The following ADAMTS4 variants were observed in gnomAD, a reference collection of about 807,000 sequenced individuals.
The protein encoded by ADAMTS4 is A disintegrin and metalloproteinase with thrombospondin motifs 4.
Under a neutral mutation model 66.7 loss-of-function variants are expected in ADAMTS4, and 38 were observed. The ratio of observed to expected loss-of-function variants is 0.57; its 90% CI spans 0.44 to 0.75. The LOEUF (loss-of-function observed/expected upper bound fraction) is 0.75, where lower values mean the gene tolerates loss of function less well. Among genes scored for constraint, ADAMTS4 ranks in the 30% least tolerant of loss-of-function variants. The pLI, the probability that ADAMTS4 is intolerant of heterozygous loss-of-function variation, is 0.00. For synonymous variants in ADAMTS4, 418 were observed against 461.5 expected (o/e 0.91, Z 1.21); for missense variants, 1,014 against 1,116.7 (o/e 0.91, Z 1.31).
chr1:161,198,669 G>A lies in ADAMTS4; in HGVS notation c.-42C>T, dbSNP rs1181473557. The A allele has an allele frequency of 2.1e-6, 3 of 1,446,932 alleles. No individual in the cohort carries two copies. The East Asian group carries it at 7.4e-5, about 36-fold the overall frequency. 89.6% of individuals were successfully genotyped at this position (1,446,932 alleles called of 1,614,324 possible). ...CTGGGAGGGACTGAGGCCGTCTAGG[G>A]CACCAAGTCCTCCACACCCTAGCTT... On this transcript the variant is annotated 5_prime_UTR_variant, in exon 1 of 9. Transcript: ENST00000367996. This position sits in a 1 kb window ranked among gnomAD's most constrained non-coding sequence, Gnocchi z 4.7.
rs1019538575 is a variant in ADAMTS4, at chr1:161,186,236, G to C, written c.*4902C>G. 2.0e-5 allele frequency: 3 copies of C among 151,984 alleles called. No individual in the cohort carries two copies. Among genetic ancestry groups the C allele is most frequent in the African/African-American group, 7.3e-5 (3 of 41,348 alleles). 9.4% of individuals were successfully genotyped at this position (151,984 alleles called of 1,614,324 possible). On this transcript the variant is annotated 3_prime_UTR_variant, in exon 9 of 9. Transcript: ENST00000367996. ...CTGTGGCTCTTACAGGGAGATATGTGCCCCCCCACAATCCCATCCCTAGCA... is the reference window on the plus strand; with the variant it reads ...CTGTGGCTCTTACAGGGAGATATGTCCCCCCCCACAATCCCATCCCTAGCA...
rs746396914 is a variant in ADAMTS4 at position 161,196,148 on chromosome 1, T to C, written c.1090+23A>G. 4.0e-6 allele frequency: 6 copies of C among 1,508,528 alleles called. No homozygotes were observed. The Admixed American group carries it at 7.7e-5, about 19-fold the overall frequency. 93.4% of individuals were successfully genotyped at this position (1,508,528 alleles called of 1,614,324 possible). Reference sequence around the variant, plus strand: ...CCCCCACCTTCTCCTCCCTAATACCTTTCTCATCCACCCCTACTTTACCCA... The same window carrying C: ...CCCCCACCTTCTCCTCCCTAATACCCTTCTCATCCACCCCTACTTTACCCA... On this transcript the variant is annotated intron_variant, in intron 3 of 8. Coordinates refer to ENST00000367996, the MANE Select transcript of ADAMTS4 (RefSeq NM_005099.6).
chr1:161,191,808 C>T (rs1259129892), intron 8 of ADAMTS4, among the ~76,000 whole-genome samples: 3 of 152,178 alleles, frequency 2.0e-5, no homozygotes, highest in African/African-American at 4.8e-5. Flanking sequence ...TGGTACCTGT[C>T]TAATTCCTAC....
In ADAMTS4 at chr1:161,198,308, A is replaced by T; in HGVS notation, c.320T>A (p.Leu107Gln). The change falls in exon 1 of 9, where the codon CTG becomes CAG. Residue 107 changes from leucine to glutamine, a missense_variant. Physicochemically the swap from Leu to Gln is moderately radical, Grantham distance 113 (BLOSUM62 -2). Coordinates refer to ENST00000367996, the MANE Select transcript of ADAMTS4 (RefSeq NM_005099.6). The surrounding 1 kb of genome is among the most constrained non-coding windows in gnomAD (Gnocchi z 4.7). ...CGCCTGGCCCAGGTACTGCACTGTC[A>T]GCCCCTCGACCTGCACACCGGAGTC... is the stretch of plus-strand genomic sequence containing the variant. ...EQDSGVQVEG[L>Q]TVQYLGQAPE... The T allele has an allele frequency of 6.2e-7, 1 of 1,613,498 alleles. No individual in the cohort carries two copies. Among genetic ancestry groups the T allele is most frequent in the Non-Finnish European group, 8.5e-7 (1 of 1,179,996 alleles).
In ADAMTS4 at chr1:161,196,769, C is replaced by T. The variant is rs1211420229; in HGVS notation, c.745G>A (p.Ala249Thr). 1.2e-6 allele frequency: 2 copies of T among 1,613,030 alleles called. No homozygotes were observed. Among genetic ancestry groups the T allele is most frequent in the East Asian group, 2.2e-5 (1 of 44,888 alleles). ...CTTGGGTGCTTGAAGGCCTTGGCTG[C>T]TGCTGCCATCACTGTTAGCAGGTAG... ...KRYLLTVMAAAAKAFKHPSIR... is the reference protein window; with the variant it reads ...KRYLLTVMAATAKAFKHPSIR... Residue 249 changes from alanine (A) to threonine (T), a missense_variant, in exon 2 of 9, where the codon GCA becomes ACA. By Grantham distance (58) the Ala-to-Thr change is moderately conservative. Transcript: ENST00000367996.
intron 8 of ADAMTS4, 131 bp downstream of exon 8, chr1:161,191,934 T>C: frequency 8.7e-7 from 1 of 1,145,534 alleles, no homozygotes; most frequent in Non-Finnish European, 1.3e-6. Flanking sequence ...AACCGCACTG[T>C]AGCTGCCTAC....
Position 161,193,131 on chromosome 1 carries a change from T to A in ADAMTS4, c.1911+82A>T, listed in dbSNP as rs1571578838. On this transcript the variant is annotated intron_variant, in intron 7 of 8. Coordinates refer to ENST00000367996, the MANE Select transcript of ADAMTS4 (RefSeq NM_005099.6). The surrounding 1 kb of genome is among the most constrained non-coding windows in gnomAD (Gnocchi z 4.4). ...GCTGTAGGAACAGGGTTACTTTGGG[T>A]GATCTTTGTTATCAGAAAGCAGAGG... 2.1e-6 allele frequency: 3 copies of A among 1,448,914 alleles called. No homozygotes were observed. In the Admixed American group the frequency reaches 6.6e-5, roughly 32 times the overall value. 89.8% of individuals were successfully genotyped at this position (1,448,914 alleles called of 1,614,324 possible).
chr1:161,196,939 C>T (rs775359126), intron 1 of ADAMTS4, 59 bp from the exon 2 acceptor site: 7 of 1,440,136 alleles, frequency 4.9e-6, no homozygotes, highest in Admixed American at 4.0e-5. Flanking sequence ...ATGGGTCGGT[C>T]GATTCTCCAA....
rs1003152807 is a variant in ADAMTS4 at position 161,190,693 on chromosome 1, C to T, written c.*445G>A. 2 of 168,604 alleles carry T rather than the reference C, an allele frequency of 1.2e-5. No homozygotes were observed. The highest frequency in any genetic ancestry group is 1.1e-4 in the Admixed American group (2 of 17,706). The allele number at this position is 168,604 out of a possible 1,614,324, so 10.4% of individuals were successfully genotyped here. The stretch of plus-strand genomic sequence containing the variant: ...TTTCACACACACACACACGCATACA[C>T]ACACCACTTATACCTATCACCACCA... On this transcript the variant is annotated 3_prime_UTR_variant, in exon 9 of 9. Coordinates refer to ENST00000367996, the MANE Select transcript of ADAMTS4 (RefSeq NM_005099.6).
chr1:161,195,425 T>C (rs1471046122), intron 4 of ADAMTS4, 40 bp downstream of exon 4: 1 of 1,557,786 alleles, frequency 6.4e-7, no homozygotes, highest in African/African-American at 1.4e-5. Flanking sequence ...AGGACAGGAA[T>C]TGAGTGCTAC....
In ADAMTS4 at chr1:161,195,455, A is replaced by G. The variant is rs368809437; in HGVS notation, c.1261+10T>C. ...TGCTACCCAGGGAAAGGTAAGTGCC[A>G]TCTGCTTACCATAGCCATTGTCCAG... On this transcript the variant is annotated intron_variant, in intron 4 of 8. Transcript: ENST00000367996. 1.1e-5 allele frequency: 18 copies of G among 1,598,558 alleles called. No homozygotes were observed. The highest frequency in any genetic ancestry group is 6.8e-5 in the East Asian group (3 of 44,438).
rs781204896 is a variant in ADAMTS4 at position 161,196,275 on chromosome 1, G to A, written c.986C>T (p.Thr329Met). ...GGTGCCCACATCAGCCATACCCAGCGTGTCGCAAGTGGAGACTCCACACAG... is the reference window on the plus strand; with the variant it reads ...GGTGCCCACATCAGCCATACCCAGCATGTCGCAAGTGGAGACTCCACACAG... ...QDLCGVSTCD[T>M]LGMADVGTVC... Residue 329 changes from threonine (T) to methionine (M), a missense_variant, in exon 3 of 9, where the codon ACG becomes ATG. Physicochemically the swap from Thr to Met is moderately conservative, Grantham distance 81. Coordinates refer to ENST00000367996, the MANE Select transcript of ADAMTS4 (RefSeq NM_005099.6). The A allele has an allele frequency of 6.8e-6, 11 of 1,613,214 alleles. No homozygotes were observed. Among genetic ancestry groups the A allele is most frequent in the African/African-American group, 6.7e-5 (5 of 74,864 alleles).
rs1571575717 is a variant in ADAMTS4, at chr1:161,191,023, A to C, written c.*115T>G. The stretch of plus-strand genomic sequence containing the variant: ...AGGGCAGAGAGGAGGGGCAGGTCTC[A>C]CGCCCACAGCCCCTCCCCACTGAGT... On this transcript the variant is annotated 3_prime_UTR_variant, in exon 9 of 9. Transcript: ENST00000367996. The C allele has an allele frequency of 8.1e-7, 1 of 1,242,100 alleles. No homozygotes were observed. The highest frequency in any genetic ancestry group is 1.1e-6 in the Non-Finnish European group (1 of 912,456). The allele number at this position is 1,242,100 out of a possible 1,614,324, so 76.9% of individuals were successfully genotyped here. A position where few individuals can be genotyped will look rare whatever the true frequency, so the allele number is the denominator to read the frequency against.
rs1664980346 is a variant in ADAMTS4 at position 161,198,694 on chromosome 1, T to C, written c.-67A>G. 5.0e-6 allele frequency: 7 copies of C among 1,386,844 alleles called. No homozygotes were observed. The highest frequency in any genetic ancestry group is 6.7e-6 in the Non-Finnish European group (7 of 1,048,996). 85.9% of individuals were successfully genotyped at this position (1,386,844 alleles called of 1,614,324 possible). On this transcript the variant is annotated 5_prime_UTR_variant, in exon 1 of 9. Transcript: ENST00000367996. The surrounding 1 kb of genome is among the most constrained non-coding windows in gnomAD (Gnocchi z 4.7). Reference sequence around the variant, plus strand: ...GCACCAAGTCCTCCACACCCTAGCTTTGGAAAGCTCCTCTCTGTAGCCTGG... The same window carrying C: ...GCACCAAGTCCTCCACACCCTAGCTCTGGAAAGCTCCTCTCTGTAGCCTGG...
chr1:161,191,391 G>A lies in ADAMTS4; in HGVS notation c.2261C>T (p.Pro754Leu), dbSNP rs749440061. 1 of 1,613,976 alleles carries A rather than the reference G, an allele frequency of 6.2e-7. No homozygotes were observed. The highest frequency in any genetic ancestry group is 1.7e-5 in the Admixed American group (1 of 60,006). ...LMPSPTDVVL[P>L]GAVSLRYSGA... is the part of the protein sequence containing the mutation. The stretch of plus-strand genomic sequence containing the variant: ...GCTGTAGCGCAAGCTGACTGCCCCA[G>A]GCAGTACCACATCTGTGGGGGAGGG... The change falls in exon 9 of 9, where the codon CCT becomes CTT. Residue 754 changes from proline to leucine, a missense_variant. Physicochemically the swap from Pro to Leu is moderately conservative, Grantham distance 98 (BLOSUM62 -3). Coordinates refer to ENST00000367996, the MANE Select transcript of ADAMTS4 (RefSeq NM_005099.6).
In ADAMTS4 at chr1:161,190,915, G is replaced by C. The variant is rs1048035733; in HGVS notation, c.*223C>G. 8.0e-6 allele frequency: 4 copies of C among 498,688 alleles called. No individual in the cohort carries two copies. Among genetic ancestry groups the C allele is most frequent in the African/African-American group, 7.6e-5 (4 of 52,438 alleles). 30.9% of individuals were successfully genotyped at this position (498,688 alleles called of 1,614,324 possible). On this transcript the variant is annotated 3_prime_UTR_variant, in exon 9 of 9. Transcript: ENST00000367996. Reference sequence around the variant, plus strand: ...GGGCAGAGGGGGCAGTTTAGATGGAGGGCTGTCTGTCAGCCCCTTCCATCC... The same window carrying C: ...GGGCAGAGGGGGCAGTTTAGATGGACGGCTGTCTGTCAGCCCCTTCCATCC...
rs1259613493 is a variant in ADAMTS4, at chr1:161,198,069, C to G, written c.559G>C (p.Ala187Pro). ...GAHILRRKSP[A>P]SGQGPMCNVK... The stretch of plus-strand genomic sequence containing the variant: ...TTGCACATGGGACCTTGACCGCTGG[C>G]AGGACTCTTCCGGCGTAGGATGTGA... Residue 187 changes from alanine (A) to proline (P), a missense_variant, in exon 1 of 9, where the codon GCC (alanine) becomes CCC (proline). By Grantham distance (27) the Ala-to-Pro change is conservative. Transcript: ENST00000367996. This position sits in a 1 kb window ranked among gnomAD's most constrained non-coding sequence, Gnocchi z 4.7. 1 of 1,610,400 alleles carries G rather than the reference C, an allele frequency of 6.2e-7. No individual in the cohort carries two copies. Among genetic ancestry groups the G allele is most frequent in the Admixed American group, 1.7e-5 (1 of 59,806 alleles).
intron 8 of ADAMTS4, among the ~76,000 whole-genome samples, 196 bp from the exon 9 acceptor site, chr1:161,191,760 G>GC (rs1664689687): frequency 6.6e-6 from 1 of 152,110 alleles, no homozygotes; most frequent in African/African-American, 2.4e-5. Context: ...TACACCCACT[G>GC]CCCCCTTATT....
Position 161,196,708 on chromosome 1 carries a change from A to T in ADAMTS4, c.806T>A (p.Leu269Gln), listed in dbSNP as rs750305241. 1 of 1,613,992 alleles carries T rather than the reference A, an allele frequency of 6.2e-7. No homozygotes were observed. Among genetic ancestry groups the T allele is most frequent in the Non-Finnish European group, 8.5e-7 (1 of 1,180,004 alleles). Residue 269 changes from leucine to glutamine, a missense_variant, in exon 2 of 9, where the codon CTA becomes CAA. Transcript: ENST00000367996. ...RNPVSLVVTRLVILGSGEEGP... is the reference protein window; with the variant it reads ...RNPVSLVVTRQVILGSGEEGP... ...CTCCTCGCCTGACCCCAGGATCACTAGCCGAGTCACCACCAAGCTGACAGG... is the reference window on the plus strand; with the variant it reads ...CTCCTCGCCTGACCCCAGGATCACTTGCCGAGTCACCACCAAGCTGACAGG...
Sources: allele counts gnomAD v4.1 joint callset (sites outside exome capture counted in the v4.1 genomes callset), GRCh38; gene constraint gnomAD v4.1.1; non-coding constraint Gnocchi (gnomAD v3.1); transcripts MANE v1.5; gene names NCBI Gene and HGNC (gene_info 2026-07-23, HGNC 2026-07-21).